The following FSTL5 variants were observed in gnomAD, a reference collection of about 807,000 sequenced individuals.
FSTL5 encodes the protein follistatin like 5.
FSTL5 carries 62 observed loss-of-function variants against 89.1 expected under a neutral mutation model. The observed-to-expected ratio is 0.70, with a 90% confidence interval of 0.57 to 0.86. FSTL5 has a LOEUF of 0.86. Among genes scored for constraint, FSTL5 ranks in the 40% least tolerant of loss-of-function variants. FSTL5 has a pLI of 0.00. For missense variants in FSTL5, 1,057 were observed against 1,001.6 expected (o/e 1.06, Z -0.75); for synonymous variants, 383 against 346.2 (o/e 1.11, Z -1.18).
intron 4 of FSTL5, among the ~76,000 whole-genome samples, chr4:161,824,400 T>C (rs1241838036): frequency 6.6e-6 from 1 of 152,216 alleles, no homozygotes. Context: ...TACCATATTG[T>C]TTGGGTGACT....
At chr4:161,926,436 C>T (rs1487775559) in intron 3 of FSTL5, among the ~76,000 whole-genome samples, 5 of 147,608 alleles carry the variant, frequency 3.4e-5, no homozygotes, top group East Asian at 2.0e-4. Flanking sequence ...TACAAGAGGC[C>T]GTATGAAAAT....
chr4:161,959,538 A>C (rs1214686162), intron 3 of FSTL5, among the ~76,000 whole-genome samples: 1 of 152,100 alleles, frequency 6.6e-6, no homozygotes, highest in African/African-American at 2.4e-5. Flanking sequence ...ATAACAGCTA[A>C]TTGAGATAAT....
intron 1 of FSTL5, among the ~76,000 whole-genome samples, chr4:162,142,590 C>T (rs1019261986): frequency 6.6e-6 from 1 of 152,082 alleles, no homozygotes; most frequent in South Asian, 2.1e-4. Context: ...TAGCACCATT[C>T]TTTCATGCTA....
chr4:161,871,277 C>G (rs1186013611), intron 4 of FSTL5, among the ~76,000 whole-genome samples: 1 of 151,902 alleles, frequency 6.6e-6, no homozygotes, highest in African/African-American at 2.4e-5. Flanking sequence ...GCCAATCAGT[C>G]TATATATATT....
At chr4:162,141,815 G>A (rs1238512765) in intron 1 of FSTL5, among the ~76,000 whole-genome samples, 6 of 152,146 alleles carry the variant, frequency 3.9e-5, no homozygotes, top group East Asian at 3.9e-4. Context: ...AGGTCAAGCC[G>A]CAAATAGCAA....
intron 14 of FSTL5, among the ~76,000 whole-genome samples, chr4:161,457,755 C>A (rs1028645575): frequency 1.3e-5 from 2 of 151,584 alleles, no homozygotes; most frequent in African/African-American, 4.9e-5. Context: ...TATATATTGA[C>A]CTGTTTTATT....
intron 15 of FSTL5, among the ~76,000 whole-genome samples, chr4:161,418,106 C>A (rs1731850082): frequency 6.6e-6 from 1 of 152,100 alleles, no homozygotes; most frequent in South Asian, 2.1e-4. Flanking sequence ...CCTCCTGCAG[C>A]CCAATGATGC....
chr4:162,101,722 T>C (rs1373971278), intron 2 of FSTL5, among the ~76,000 whole-genome samples: 1 of 152,204 alleles, frequency 6.6e-6, no homozygotes, highest in East Asian at 1.9e-4. Flanking sequence ...TTGTATACTG[T>C]AGGGTTTTTA....
At chr4:162,052,426 T>C (rs1738408521) in intron 2 of FSTL5, among the ~76,000 whole-genome samples, 1 of 151,800 alleles carries the variant, frequency 6.6e-6, no homozygotes. Context: ...ATAAATGGTT[T>C]CTATATTATA....
At chr4:161,670,734 T>C (rs75919034) in intron 6 of FSTL5, among the ~76,000 whole-genome samples, 1 of 152,202 alleles carries the variant, frequency 6.6e-6, no homozygotes, top group Non-Finnish European at 1.5e-5. Flanking sequence ...ATACGGGGAA[T>C]TGAACACTGG....
intron 10 of FSTL5, among the ~76,000 whole-genome samples, chr4:161,537,763 G>A (rs569202395): frequency 2.0e-5 from 3 of 152,220 alleles, no homozygotes; most frequent in Admixed American, 2.0e-4. Context: ...TCCAGTGACT[G>A]CAATGTAACT....
chr4:161,945,111 T>A (rs1339295702), intron 3 of FSTL5, among the ~76,000 whole-genome samples: 1 of 152,140 alleles, frequency 6.6e-6, no homozygotes, highest in Non-Finnish European at 1.5e-5. Context: ...AGTCTACTTA[T>A]AATAACTCTA....
intron 2 of FSTL5, among the ~76,000 whole-genome samples, chr4:162,071,749 C>G (rs1729634172): frequency 6.6e-6 from 1 of 151,706 alleles, no homozygotes; most frequent in South Asian, 2.1e-4. Flanking sequence ...TAGGCCACAA[C>G]AGAAGTTTCA....
chr4:161,759,555 A>T, intron 5 of FSTL5, 24 bp from the exon 6 acceptor site: 2 of 1,423,376 alleles, frequency 1.4e-6, no homozygotes, highest in Non-Finnish European at 1.9e-6. Context: ...TATAAACCAT[A>T]CCTTTAGATT....
chr4:161,531,749 A>T lies in FSTL5; in HGVS notation c.1312+6417T>A, dbSNP rs1731418627. ...AATGTTAAGAGAGATAATATTTAAT[A>T]TTTGAATGCATAAAAATGGATGCCC... is the stretch of plus-strand genomic sequence containing the variant. On this transcript the variant is annotated intron_variant, in intron 10 of 15. Coordinates refer to ENST00000306100, the MANE Select transcript of FSTL5 (RefSeq NM_020116.5). Among the ~76,000 whole-genome samples, 4 of 152,170 alleles carry T rather than the reference A, an allele frequency of 2.6e-5. No homozygotes were observed. In the South Asian group the frequency reaches 8.3e-4, roughly 32 times the overall value.
In FSTL5 at chr4:161,575,665, G is replaced by A. The variant is rs564515161; in HGVS notation, c.1015+11790C>T. ...GACAGGGTTTCACCATCTTGGCCAG[G>A]CTGGTCATGAACTCCTGACCTTGTG... On this transcript the variant is annotated intron_variant, in intron 8 of 15. Transcript: ENST00000306100. Among the ~76,000 whole-genome samples, 10 of 152,104 alleles carry A rather than the reference G, an allele frequency of 6.6e-5. No individual in the cohort carries two copies. In the South Asian group the frequency reaches 1.2e-3, roughly 19 times the overall value.
In FSTL5 at chr4:161,736,596, G is replaced by T. The variant is rs182784946; in HGVS notation, c.727+22815C>A. The stretch of plus-strand genomic sequence containing the variant: ...TCCAGAAGAAAATAGAAAGAATTAT[G>T]ATCATGCAAACGAATTTTCCAGTTT... On this transcript the variant is annotated intron_variant, in intron 6 of 15. Transcript: ENST00000306100. Among the ~76,000 whole-genome samples, 159 of 152,212 alleles carry T rather than the reference G, an allele frequency of 1.0e-3. 1 individual carries two copies. Among genetic ancestry groups the T allele is most frequent in the African/African-American group, 3.8e-3 (157 of 41,568 alleles).
intron 15 of FSTL5, among the ~76,000 whole-genome samples, chr4:161,414,666 A>G (rs1296092005): frequency 6.6e-6 from 1 of 152,160 alleles, no homozygotes; most frequent in Non-Finnish European, 1.5e-5. Flanking sequence ...AAGCCCATTA[A>G]AAACAACAAA....
chr4:162,039,022 C>T (rs765904072), intron 2 of FSTL5, among the ~76,000 whole-genome samples: 16 of 151,704 alleles, frequency 1.1e-4, no homozygotes, highest in South Asian at 2.1e-4. Context: ...TATGATGTTA[C>T]ACGAATGAGA....
Sources: allele counts gnomAD v4.1 joint callset (sites outside exome capture counted in the v4.1 genomes callset), GRCh38; gene constraint gnomAD v4.1.1; transcripts MANE v1.5; gene names NCBI Gene and HGNC (gene_info 2026-07-23, HGNC 2026-07-21).